Variants in KCNQ5 observed in about 807,000 individuals in gnomAD.
The protein encoded by KCNQ5 is potassium voltage-gated channel subfamily KQT member 5.
A neutral mutation model predicts 98.2 loss-of-function variants in KCNQ5; 30 were observed. The observed-to-expected ratio is 0.31, with a 90% CI of 0.23 to 0.41. KCNQ5 has a LOEUF of 0.41. Among genes scored for constraint, KCNQ5 ranks in the 10% least tolerant of loss-of-function variants. The pLI is 1.00. For synonymous variants in KCNQ5, 458 were observed against 449.4 expected, an observed-to-expected ratio of 1.02 and a Z score of -0.24; for missense variants, 835 against 1,182.5, an observed-to-expected ratio of 0.71 and a Z score of 4.31.
At chr6:72,892,328 A>G (rs1779089584) in intron 1 of KCNQ5, among the ~76,000 whole-genome samples, 1 of 152,202 alleles carries the variant, frequency 6.6e-6, no homozygotes. Flanking sequence ...GCTCTAGTAG[A>G]TCTAAAATAG....
chr6:73,098,570 A>T (rs1199486697), intron 5 of KCNQ5, among the ~76,000 whole-genome samples: 1 of 152,204 alleles, frequency 6.6e-6, no homozygotes, highest in Non-Finnish European at 1.5e-5. Flanking sequence ...TTCAGTGGAA[A>T]CCTTACAGGC....
At chr6:72,802,646 T>C (rs550952972) in intron 1 of KCNQ5, among the ~76,000 whole-genome samples, 2 of 152,080 alleles carry the variant, frequency 1.3e-5, no homozygotes, top group Non-Finnish European at 2.9e-5. Context: ...AAGATGAGCT[T>C]TTTGCACATT....
At chr6:72,836,734 A>C (rs868041886) in intron 1 of KCNQ5, among the ~76,000 whole-genome samples, 4 of 152,142 alleles carry the variant, frequency 2.6e-5, no homozygotes, top group African/African-American at 7.2e-5. Context: ...TATATTTTAT[A>C]ATCTCCAGCT....
At chr6:73,149,683 G>C (rs531224012) in intron 10 of KCNQ5, among the ~76,000 whole-genome samples, 1 of 152,086 alleles carries the variant, frequency 6.6e-6, no homozygotes, top group African/African-American at 2.4e-5. Flanking sequence ...TGTAATCCCC[G>C]CTACTCAGGA....
chr6:72,667,979 A>T lies in KCNQ5; in HGVS notation c.398+45392A>T, dbSNP rs972039772. Among the ~76,000 whole-genome samples the T allele has an allele frequency of 3.9e-5, 6 of 152,296 alleles. No homozygotes were observed. In the South Asian group the frequency reaches 1.2e-3, roughly 32 times the overall value. On this transcript the variant is annotated intron_variant, in intron 1 of 13. Coordinates refer to ENST00000370398, the MANE Select transcript of KCNQ5 (RefSeq NM_019842.4). ...ATATGACGAACAATTACAATGTGGG[A>T]TCTTGGTTTGGATCTTGGAACAGAA...
chr6:72,660,317 G>C (rs1766444713), intron 1 of KCNQ5, among the ~76,000 whole-genome samples: 1 of 152,124 alleles, frequency 6.6e-6, no homozygotes, highest in Admixed American at 6.5e-5. Flanking sequence ...AGGTGGCAGA[G>C]CTATCTTTGA....
chr6:73,024,354 A>G (rs997283123), intron 2 of KCNQ5, among the ~76,000 whole-genome samples: 1 of 9,834 alleles, frequency 1.0e-4, no homozygotes, highest in Non-Finnish European at 2.5e-4. Context: ...TATGCCATCA[A>G]CTGAAAGCGA....
chr6:72,923,453 T>A (rs1431013880), intron 1 of KCNQ5, among the ~76,000 whole-genome samples: 1 of 152,184 alleles, frequency 6.6e-6, no homozygotes, highest in Non-Finnish European at 1.5e-5. Flanking sequence ...GATGTCTCAT[T>A]ACAGTTTTAA....
At chr6:72,957,363 G>A (rs1236476387) in intron 1 of KCNQ5, among the ~76,000 whole-genome samples, 1 of 151,642 alleles carries the variant, frequency 6.6e-6, no homozygotes, top group Non-Finnish European at 1.5e-5. Flanking sequence ...TAGAGACGGG[G>A]TTTCACCATG....
intron 3 of KCNQ5, among the ~76,000 whole-genome samples, chr6:73,050,959 A>G (rs1313492667): frequency 6.6e-6 from 1 of 152,146 alleles, no homozygotes; most frequent in East Asian, 1.9e-4. Context: ...ATGTAACACA[A>G]TTTGTATATT....
intron 1 of KCNQ5, among the ~76,000 whole-genome samples, chr6:72,937,210 T>G (rs1431791135): frequency 6.6e-6 from 1 of 152,166 alleles, no homozygotes; most frequent in African/African-American, 2.4e-5. Flanking sequence ...TAATAGTCAC[T>G]CTCTCCTCAA....
chr6:72,723,397 TCTATA>T (rs1770080467), intron 1 of KCNQ5, among the ~76,000 whole-genome samples: 1 of 152,206 alleles, frequency 6.6e-6, no homozygotes, highest in South Asian at 2.1e-4. Context: ...TTGTTTCTAT[TCTATA>T]CTATGAATCT....
At chr6:72,708,387 T>C (rs1025841006) in intron 1 of KCNQ5, among the ~76,000 whole-genome samples, 1 of 152,142 alleles carries the variant, frequency 6.6e-6, no homozygotes, top group African/African-American at 2.4e-5. Context: ...GTGGGGAAAA[T>C]TTATGGAAAA....
At chr6:73,076,106 CCT>C (rs1773529186) in intron 3 of KCNQ5, among the ~76,000 whole-genome samples, 1 of 152,104 alleles carries the variant, frequency 6.6e-6, no homozygotes, top group Non-Finnish European at 1.5e-5. Context: ...ACTGACCCCC[CCT>C]CTCTCTCAAA....
intron 13 of KCNQ5, 52 bp from the exon 14 acceptor site, chr6:73,194,400 C>A: frequency 6.6e-7 from 1 of 1,508,512 alleles, no homozygotes. Flanking sequence ...AAAATGAAGT[C>A]CATTCTTAAT....
intron 1 of KCNQ5, among the ~76,000 whole-genome samples, chr6:72,752,261 A>G (rs940594023): frequency 2.0e-5 from 3 of 152,132 alleles, no homozygotes; most frequent in African/African-American, 7.2e-5. Flanking sequence ...TTTCTTCACT[A>G]AAGTCATGCT....
chr6:72,935,498 C>A (rs2150233572), intron 1 of KCNQ5, among the ~76,000 whole-genome samples: 1 of 152,272 alleles, frequency 6.6e-6, no homozygotes, highest in South Asian at 2.1e-4. Flanking sequence ...CCCTGCTAAG[C>A]ATACTGCCGG....
chr6:73,155,049 A>G (rs1777309650), intron 10 of KCNQ5, among the ~76,000 whole-genome samples: 1 of 152,160 alleles, frequency 6.6e-6, no homozygotes, highest in Admixed American at 6.5e-5. Flanking sequence ...GAGAAGACAT[A>G]GGCATACATA....
At chr6:72,685,635 GT>G (rs1351792404) in intron 1 of KCNQ5, among the ~76,000 whole-genome samples, 1 of 152,058 alleles carries the variant, frequency 6.6e-6, no homozygotes, top group Non-Finnish European at 1.5e-5. Context: ...TGCCTTAGCA[GT>G]TTATACAATA....
Sources: gnomAD v4.1 joint callset for allele counts (sites outside exome capture counted in the v4.1 genomes callset) on GRCh38, gnomAD v4.1.1 for gene constraint, MANE v1.5 for transcripts, NCBI Gene and HGNC (gene_info 2026-07-23, HGNC 2026-07-21) for gene names.